Variants in ATF7IP2 observed in about 807,000 individuals in gnomAD.
ATF7IP2 encodes the protein activating transcription factor 7-interacting protein 2.
ATF7IP2 carries 42 observed loss-of-function variants against 64.2 expected under a neutral mutation model. That is an observed-to-expected ratio of 0.65 (90% CI 0.51 to 0.85). ATF7IP2 has a LOEUF of 0.85. ATF7IP2 is among the 40% of genes least tolerant of loss of function. The pLI, the probability that ATF7IP2 is intolerant of heterozygous loss-of-function variation, is 0.00. For synonymous variants in ATF7IP2, 308 were observed against 272.8 expected (o/e 1.13, Z -1.27); for missense variants, 933 against 784.2 (o/e 1.19, Z -2.27).
In ATF7IP2 at chr16:10,457,610, G is replaced by T. The variant is rs983734095; in HGVS notation, c.1352+81G>T. 4 of 1,045,432 alleles carry T rather than the reference G, an allele frequency of 3.8e-6. No homozygotes were observed. In the African/African-American group the frequency reaches 6.6e-5, roughly 17 times the overall value. The allele number at this position is 1,045,432 out of a possible 1,614,324, so 64.8% of individuals were successfully genotyped here. Reference sequence around the variant, plus strand: ...TTCTTCATCACAGTTTTGGATCTTTGTAATATTGATTATTCTTAACATTCA... The same window carrying T: ...TTCTTCATCACAGTTTTGGATCTTTTTAATATTGATTATTCTTAACATTCA... On this transcript the variant is annotated intron_variant, in intron 9 of 13. Coordinates refer to ENST00000562102, the MANE Select transcript of ATF7IP2 (RefSeq NM_001393719.1).
At chr16:10,420,548 T>C (rs1480595592) in intron 3 of ATF7IP2, among the ~76,000 whole-genome samples, 1 of 152,220 alleles carries the variant, frequency 6.6e-6, no homozygotes, top group Non-Finnish European at 1.5e-5. Flanking sequence ...AAAGTGTCTG[T>C]CTTAGATACT....
chr16:10,438,332 C>A, intron 7 of ATF7IP2, 97 bp downstream of exon 7: 3 of 1,268,946 alleles, frequency 2.4e-6, no homozygotes, highest in Admixed American at 2.8e-5. Flanking sequence ...GCAGCCTCTG[C>A]CTTCTGAGCT....
intron 5 of ATF7IP2, among the ~76,000 whole-genome samples, chr16:10,432,556 C>G (rs1485963421): frequency 6.6e-6 from 1 of 151,988 alleles, no homozygotes; most frequent in Non-Finnish European, 1.5e-5. Context: ...GCAACAGATC[C>G]AAGACCCTGT....
intron 12 of ATF7IP2, among the ~76,000 whole-genome samples, chr16:10,476,661 G>A (rs187604592): frequency 6.6e-6 from 1 of 151,878 alleles, no homozygotes; most frequent in African/African-American, 2.4e-5. Context: ...TCCACCCCCT[G>A]CCCCTCCCCC....
At chr16:10,433,097 A>G (rs1382410140) in intron 5 of ATF7IP2, among the ~76,000 whole-genome samples, 1 of 152,214 alleles carries the variant, frequency 6.6e-6, no homozygotes, top group African/African-American at 2.4e-5. Flanking sequence ...ATGCAATTGA[A>G]TGTTCTAAAA....
At position 10,440,424 on chromosome 16, in the gene ATF7IP2, T is replaced by G. The variant is rs1458132817; in HGVS notation, c.1156T>G (p.Leu386Val). ...AGTATTATTATTTCAAAGGAATTGTTTGAAACCAAACATGTTATCCAGTAA... is the reference window on the plus strand; with the variant it reads ...AGTATTATTATTTCAAAGGAATTGTGTGAAACCAAACATGTTATCCAGTAA... ...KTVLLFQRNC[L>V]KPNMLSSNGA... is the part of the protein sequence containing the mutation. The change falls in exon 8 of 14, where the codon TTG becomes GTG. Residue 386 changes from leucine to valine, a missense_variant. By Grantham distance (32) the Leu-to-Val change is conservative. Transcript: ENST00000562102. 6.4e-7 allele frequency: 1 copy of G among 1,568,692 alleles called. No individual in the cohort carries two copies. The highest frequency in any genetic ancestry group is 8.6e-7 in the Non-Finnish European group (1 of 1,162,290).
chr16:10,465,393 C>T (rs1391378708), intron 9 of ATF7IP2, among the ~76,000 whole-genome samples: 1 of 151,932 alleles, frequency 6.6e-6, no homozygotes, highest in Non-Finnish European at 1.5e-5. Flanking sequence ...ATGTTAGTCA[C>T]ACTCAGGCTT....
intron 1 of ATF7IP2, among the ~76,000 whole-genome samples, chr16:10,411,849 T>C (rs549080478): frequency 6.6e-6 from 1 of 151,974 alleles, no homozygotes; most frequent in South Asian, 2.1e-4. Context: ...TGATCTTTTA[T>C]ATTTCTGTGG....
In ATF7IP2 at chr16:10,451,125, A is replaced by G. The variant is rs553752457; in HGVS notation, c.1195-6247A>G. On this transcript the variant is annotated intron_variant, in intron 8 of 13. Coordinates refer to ENST00000562102, the MANE Select transcript of ATF7IP2 (RefSeq NM_001393719.1). ...TTGGGTTGAAAATTCTTTTCTTTAA[A>G]AATGTTGAATATTGGCCCCCACTCT... Among the ~76,000 whole-genome samples, 66 of 152,236 alleles carry G rather than the reference A, an allele frequency of 4.3e-4. No individual in the cohort carries two copies. The Middle Eastern group carries it at 0.01, about 24-fold the overall frequency.
At chr16:10,396,348 T>C (rs911698151) in intron 1 of ATF7IP2, among the ~76,000 whole-genome samples, 7 of 152,170 alleles carry the variant, frequency 4.6e-5, no homozygotes, top group Non-Finnish European at 8.8e-5. Flanking sequence ...TTCTGTTGAT[T>C]GTTCTCTTCC....
intron 8 of ATF7IP2, chr16:10,446,418 A>G (rs1306697283): frequency 1.3e-5 from 2 of 152,212 alleles, no homozygotes; most frequent in South Asian, 4.1e-4. Context: ...ATTACAACCA[A>G]CTTTCCACCA....
chr16:10,478,002 G>C (rs1314462532), intron 12 of ATF7IP2, among the ~76,000 whole-genome samples: 5 of 148,956 alleles, frequency 3.4e-5, no homozygotes, highest in Non-Finnish European at 7.5e-5. Flanking sequence ...TGAAATAAAA[G>C]AGGATACAAA....
chr16:10,457,295 T>C (rs1406101989), intron 8 of ATF7IP2, 77 bp from the exon 9 acceptor site: 4 of 1,328,552 alleles, frequency 3.0e-6, no homozygotes, highest in Admixed American at 4.7e-5. Context: ...AAGAATACTT[T>C]GAAAATGCTA....
chr16:10,416,420 A>C (rs1038993852), intron 2 of ATF7IP2, among the ~76,000 whole-genome samples: 3 of 152,204 alleles, frequency 2.0e-5, no homozygotes, highest in African/African-American at 7.2e-5. Context: ...TGTGGTGAGA[A>C]TAGAAGGATG....
At chr16:10,454,667 T>C (rs2049108764) in intron 8 of ATF7IP2, among the ~76,000 whole-genome samples, 1 of 152,160 alleles carries the variant, frequency 6.6e-6, no homozygotes, top group South Asian at 2.1e-4. Flanking sequence ...TTTTCTAACA[T>C]TAAACATTTA....
intron 1 of ATF7IP2, among the ~76,000 whole-genome samples, chr16:10,401,841 G>A (rs2047541999): frequency 6.6e-6 from 1 of 151,346 alleles, no homozygotes; most frequent in African/African-American, 2.4e-5. Flanking sequence ...GGCTTAGGAG[G>A]TTGTATGTTT....
At chr16:10,437,314 C>T (rs1044816025) in intron 6 of ATF7IP2, among the ~76,000 whole-genome samples, 2 of 152,154 alleles carry the variant, frequency 1.3e-5, no homozygotes, top group Non-Finnish European at 2.9e-5. Flanking sequence ...CCACTGCACC[C>T]GGCTGGCTTC....
Position 10,433,731 on chromosome 16 carries a change from G to A in ATF7IP2, c.960+82G>A, listed in dbSNP as rs1302659595. On this transcript the variant is annotated intron_variant, in intron 6 of 13. Transcript: ENST00000562102. Reference sequence around the variant, plus strand: ...AGTTAATTATCTGGTCCCCACAGTGGCATAATACAGACGACTTTCACTTGC... The same window carrying A: ...AGTTAATTATCTGGTCCCCACAGTGACATAATACAGACGACTTTCACTTGC... The A allele has an allele frequency of 3.4e-6, 5 of 1,470,432 alleles. No individual in the cohort carries two copies. In the African/African-American group the frequency reaches 4.2e-5, roughly 12 times the overall value. 91.1% of individuals were successfully genotyped at this position (1,470,432 alleles called of 1,614,324 possible).
intron 1 of ATF7IP2, among the ~76,000 whole-genome samples, chr16:10,398,085 A>T (rs1406725535): frequency 6.6e-6 from 1 of 151,502 alleles, no homozygotes; most frequent in Non-Finnish European, 1.5e-5. Flanking sequence ...CGGGTGGATC[A>T]TGAGGTCAGG....
Sources: allele counts gnomAD v4.1 joint callset (sites outside exome capture counted in the v4.1 genomes callset), GRCh38; gene constraint gnomAD v4.1.1; transcripts MANE v1.5; gene names NCBI Gene and HGNC (gene_info 2026-07-23, HGNC 2026-07-21).